Variants in PACRG observed in about 807,000 individuals in gnomAD.
PACRG encodes parkin coregulated gene protein.
A neutral mutation model predicts 29.7 loss-of-function variants in PACRG; 29 were observed. The observed-to-expected ratio is 0.98, with a 90% confidence interval of 0.73 to 1.33. The LOEUF is 1.33. PACRG is among the 40% of genes most tolerant of loss of function. The pLI, the probability that PACRG is intolerant of heterozygous loss-of-function variation, is 0.00. For synonymous variants in PACRG, 116 were observed against 118.7 expected (o/e 0.98, Z 0.15); for missense variants, 279 against 316.2 (o/e 0.88, Z 0.89).
rs3028611 is a variant in PACRG, at chr6:162,914,508, G to GTTTTTTTT, written c.291+100242_291+100249dup. ...AGGTCTCAAAGTTTTGTACTTTTTTGTTTTTTTTTTTTTTTTTTTTTTAGT... is the reference window on the plus strand; with the variant it reads ...AGGTCTCAAAGTTTTGTACTTTTTTGTTTTTTTTTTTTTTTTTTTTTTTTTTTTTTAGT... On this transcript the variant is annotated intron_variant, in intron 2 of 4. Coordinates refer to ENST00000366888, the MANE Select transcript of PACRG (RefSeq NM_001080379.2). 2.8e-3 allele frequency among the ~76,000 whole-genome samples: 269 copies of GTTTTTTTT among 95,004 alleles called. 1 individual carries two copies. Among genetic ancestry groups the GTTTTTTTT allele is most frequent in the Non-Finnish European group, 3.7e-3 (177 of 47,366 alleles). The allele number at this position is 95,004 out of a possible 152,430, so 62.3% of individuals were successfully genotyped here.
At chr6:162,990,506 T>G (rs1170043258) in intron 2 of PACRG, among the ~76,000 whole-genome samples, 2 of 140,232 alleles carry the variant, frequency 1.4e-5, no homozygotes, top group South Asian at 2.4e-4. Context: ...GAGCATTTTT[T>G]CATGTGTTTT....
At chr6:162,787,452 A>C (rs1784545649) in intron 1 of PACRG, among the ~76,000 whole-genome samples, 1 of 150,548 alleles carries the variant, frequency 6.6e-6, no homozygotes, top group Admixed American at 6.6e-5. Flanking sequence ...TACACACATG[A>C]TAACTCTATT....
intron 1 of PACRG, among the ~76,000 whole-genome samples, chr6:162,802,535 T>C (rs1481211492): frequency 6.6e-6 from 1 of 152,190 alleles, no homozygotes; most frequent in Non-Finnish European, 1.5e-5. Context: ...TTAATTTACC[T>C]CTCTTTTCCT....
chr6:162,947,595 C>CATATATATATATATATTCATATATAT (rs59243050), intron 2 of PACRG, among the ~76,000 whole-genome samples: 1 of 27,988 alleles, frequency 3.6e-5, no homozygotes, highest in African/African-American at 1.1e-4. Flanking sequence ...TATATATAAT[C>CATATATATATATATATTCATATATAT]ATATATATAT....
chr6:163,274,861 C>CTTTTTTTTTTTTTTTTTTTTTTTTTTTT (rs58333018), intron 4 of PACRG, among the ~76,000 whole-genome samples: 1 of 126,318 alleles, frequency 7.9e-6, no homozygotes, highest in Non-Finnish European at 1.6e-5. Context: ...TTCTTTCTTT[C>CTTTTTTTTTTTTTTTTTTTTTTTTTTTT]TTTTTTTTTT....
intron 4 of PACRG, among the ~76,000 whole-genome samples, chr6:163,212,241 T>A (rs1210130407): frequency 1.3e-5 from 2 of 152,162 alleles, no homozygotes; most frequent in Non-Finnish European, 1.5e-5. Flanking sequence ...TGATTTTCAT[T>A]ATAGATAAAG....
intron 2 of PACRG, among the ~76,000 whole-genome samples, chr6:163,040,918 T>G (rs1315650506): frequency 6.6e-6 from 1 of 152,224 alleles, no homozygotes; most frequent in African/African-American, 2.4e-5. Flanking sequence ...GTTAAGACTT[T>G]AGGGGACTGT....
chr6:163,135,436 C>T (rs973229334), intron 4 of PACRG, among the ~76,000 whole-genome samples: 2 of 152,216 alleles, frequency 1.3e-5, no homozygotes, highest in Non-Finnish European at 2.9e-5. Flanking sequence ...ATCCACCTGC[C>T]TTGGTGTCCC....
chr6:163,021,836 C>T (rs903774224), intron 2 of PACRG, among the ~76,000 whole-genome samples: 1 of 152,200 alleles, frequency 6.6e-6, no homozygotes. Context: ...GAGGCACTGT[C>T]GTTTCCTCAG....
At chr6:162,996,414 A>T (rs995007010) in intron 2 of PACRG, among the ~76,000 whole-genome samples, 1 of 152,160 alleles carries the variant, frequency 6.6e-6, no homozygotes, top group Non-Finnish European at 1.5e-5. Flanking sequence ...CATCCTTCAA[A>T]TCAAATATAG....
chr6:162,858,428 A>G (rs527295369), intron 2 of PACRG, among the ~76,000 whole-genome samples: 3 of 152,222 alleles, frequency 2.0e-5, no homozygotes, highest in Admixed American at 6.5e-5. Context: ...ACCCATGGGT[A>G]TAACAATTCA....
At chr6:163,239,868 C>T (rs971702144) in intron 4 of PACRG, among the ~76,000 whole-genome samples, 1 of 136,658 alleles carries the variant, frequency 7.3e-6, no homozygotes, top group Non-Finnish European at 1.6e-5. Context: ...ACTCCCACCC[C>T]GACATACACA....
At chr6:163,250,794 T>G (rs946157243) in intron 4 of PACRG, among the ~76,000 whole-genome samples, 42 of 151,950 alleles carry the variant, frequency 2.8e-4, no homozygotes, top group African/African-American at 9.2e-4. Context: ...ACAATTTATA[T>G]TTATGTTTAT....
intron 1 of PACRG, among the ~76,000 whole-genome samples, chr6:162,794,759 T>C (rs775825311): frequency 5.9e-5 from 9 of 152,178 alleles, no homozygotes; most frequent in Admixed American, 1.3e-4. Flanking sequence ...TCAAGAAATA[T>C]TTATTGAACA....
At chr6:162,906,935 A>C (rs1254745494) in intron 2 of PACRG, among the ~76,000 whole-genome samples, 1 of 152,238 alleles carries the variant, frequency 6.6e-6, no homozygotes, top group East Asian at 1.9e-4. Context: ...GTTTTAGGAA[A>C]ATATTTAAAT....
intron 2 of PACRG, among the ~76,000 whole-genome samples, chr6:162,983,880 T>C (rs966433696): frequency 6.6e-6 from 1 of 152,054 alleles, no homozygotes; most frequent in African/African-American, 2.4e-5. Flanking sequence ...AAGGTTTTCT[T>C]AATTGTTCCC....
intron 4 of PACRG, among the ~76,000 whole-genome samples, chr6:163,123,275 CGTG>C (rs746857427): frequency 1.8e-4 from 28 of 152,300 alleles, no homozygotes; most frequent in Middle Eastern, 3.4e-3. Context: ...GTCCTGCACA[CGTG>C]GTGTTATTTG....
chr6:163,216,527 G>A (rs1415905140), intron 4 of PACRG, among the ~76,000 whole-genome samples: 1 of 152,200 alleles, frequency 6.6e-6, no homozygotes, highest in Non-Finnish European at 1.5e-5. Flanking sequence ...TGTAAAGCAA[G>A]GATAGCTGAT....
At chr6:162,869,569 T>A (rs1227687776) in intron 2 of PACRG, among the ~76,000 whole-genome samples, 2 of 152,172 alleles carry the variant, frequency 1.3e-5, no homozygotes, top group Non-Finnish European at 2.9e-5. Flanking sequence ...TTATAAAAAG[T>A]CGTGGCAGGT....
Sources: gnomAD v4.1 joint callset for allele counts (sites outside exome capture counted in the v4.1 genomes callset) on GRCh38, gnomAD v4.1.1 for gene constraint, MANE v1.5 for transcripts, NCBI Gene and HGNC (gene_info 2026-07-23, HGNC 2026-07-21) for gene names.